Variants in CCDC69 observed in about 807,000 individuals in gnomAD.
The protein encoded by CCDC69 is coiled-coil domain containing 69, also known as coiled-coil domain-containing protein 69.
In CCDC69, 38 loss-of-function variants were observed where a neutral mutation model predicts 40.3. That is an observed-to-expected ratio of 0.94 (90% CI 0.73 to 1.24). The LOEUF (loss-of-function observed/expected upper bound fraction) is 1.24. Ranked by LOEUF, CCDC69 falls within the 50% of genes most tolerant of loss-of-function variation. CCDC69 has a pLI of 0.00. For missense variants in CCDC69, 389 were observed against 357.9 expected, an observed-to-expected ratio of 1.09 and a Z score of -0.70; for synonymous variants, 141 against 138.9, an observed-to-expected ratio of 1.02 and a Z score of -0.11.
rs183541474 is a variant in CCDC69, at chr5:151,211,853, A to G, written c.49-6378T>C. Among the ~76,000 whole-genome samples, 735 of 152,108 alleles carry G rather than the reference A, an allele frequency of 4.8e-3. 11 individuals carry two copies. Among genetic ancestry groups the G allele is most frequent in the Non-Finnish European group, 2.7e-3 (184 of 67,982 alleles). On this transcript the variant is annotated intron_variant, in intron 1 of 8. Transcript: ENST00000355417. ...TCTCCATCTTTAGCAGTCTAGCCAG[A>G]TGATCCTAGTGCACACAAAAGCCTG...
At chr5:151,193,662 T>C (rs1216594697) in intron 4 of CCDC69, among the ~76,000 whole-genome samples, 5 of 152,084 alleles carry the variant, frequency 3.3e-5, no homozygotes, top group Non-Finnish European at 7.4e-5. Flanking sequence ...GAAGAAAACA[T>C]TGAAGAAAAT....
chr5:151,185,664 G>T, intron 6 of CCDC69, 123 bp from the exon 7 acceptor site: 2 of 966,178 alleles, frequency 2.1e-6, no homozygotes, highest in Non-Finnish European at 3.2e-6. Flanking sequence ...CATGTTAAGT[G>T]TTTAATATGC....
chr5:151,217,989 A>G (rs958657515), intron 1 of CCDC69, among the ~76,000 whole-genome samples: 15 of 100,348 alleles, frequency 1.5e-4, no homozygotes, highest in Non-Finnish European at 4.4e-5. Flanking sequence ...ACACTCAGTG[A>G]AAAAAAACTC....
chr5:151,197,259 G>A (rs1752712295), intron 4 of CCDC69, among the ~76,000 whole-genome samples: 1 of 152,242 alleles, frequency 6.6e-6, no homozygotes, highest in African/African-American at 2.4e-5. Context: ...TGGGCACAAT[G>A]GCTCATGCCT....
chr5:151,218,808 T>C (rs1322781526), intron 1 of CCDC69, among the ~76,000 whole-genome samples: 1 of 152,114 alleles, frequency 6.6e-6, no homozygotes, highest in Non-Finnish European at 1.5e-5. Context: ...AGCCCTTAGG[T>C]ATCTGGGAAC....
chr5:151,193,284 C>T (rs1347361482), intron 4 of CCDC69, among the ~76,000 whole-genome samples: 1 of 148,506 alleles, frequency 6.7e-6, no homozygotes, highest in African/African-American at 2.5e-5. Context: ...GAGGGAAAGG[C>T]CAGTGGTTCA....
intron 1 of CCDC69, among the ~76,000 whole-genome samples, chr5:151,209,310 T>C (rs1752895954): frequency 6.6e-6 from 1 of 152,264 alleles, no homozygotes; most frequent in South Asian, 2.1e-4. Flanking sequence ...CGTCATCTGC[T>C]TTGGCAGACC....
At chr5:151,186,939 A>G (rs951929866) in intron 5 of CCDC69, among the ~76,000 whole-genome samples, 1 of 152,022 alleles carries the variant, frequency 6.6e-6, no homozygotes, top group Non-Finnish European at 1.5e-5. Flanking sequence ...CTTTGAACAC[A>G]TTGCTTTTTT....
chr5:151,220,448 G>C (rs1753117184), intron 1 of CCDC69, among the ~76,000 whole-genome samples: 1 of 152,182 alleles, frequency 6.6e-6, no homozygotes, highest in Non-Finnish European at 1.5e-5. Context: ...GCCCGGTGTG[G>C]TCGACCCACA....
chr5:151,202,874 C>G (rs982627024), intron 2 of CCDC69, among the ~76,000 whole-genome samples: 2 of 152,094 alleles, frequency 1.3e-5, no homozygotes, highest in Admixed American at 6.6e-5. Context: ...ATTATGGCAC[C>G]TACCACATGA....
intron 1 of CCDC69, among the ~76,000 whole-genome samples, chr5:151,222,115 G>A (rs762712517): frequency 2.0e-5 from 3 of 152,244 alleles, no homozygotes. Context: ...CAAAGAACAC[G>A]GAGCTAGGGG....
chr5:151,199,512 G>A (rs1303374646), intron 3 of CCDC69, among the ~76,000 whole-genome samples: 1 of 152,058 alleles, frequency 6.6e-6, no homozygotes, highest in African/African-American at 2.4e-5. Context: ...TCTGAGCATA[G>A]TGGCCCATAT....
At chr5:151,219,473 C>T (rs937856951) in intron 1 of CCDC69, among the ~76,000 whole-genome samples, 2 of 152,208 alleles carry the variant, frequency 1.3e-5, no homozygotes, top group South Asian at 2.1e-4. Flanking sequence ...CAAAGAACCA[C>T]GCGTCCAAAC....
At chr5:151,192,502 T>G (rs952868050) in intron 4 of CCDC69, among the ~76,000 whole-genome samples, 5 of 152,060 alleles carry the variant, frequency 3.3e-5, no homozygotes, top group Non-Finnish European at 5.9e-5. Context: ...CTGAAATTCC[T>G]TTAAATATTA....
In CCDC69 at chr5:151,205,390, G is replaced by A. The variant is rs757590695; in HGVS notation, c.124+10C>T. The A allele has an allele frequency of 4.3e-6, 7 of 1,611,068 alleles. No individual in the cohort carries two copies. The highest frequency in any genetic ancestry group is 5.1e-6 in the Non-Finnish European group (6 of 1,177,406). On this transcript the variant is annotated intron_variant, in intron 2 of 8. Coordinates refer to ENST00000355417, the MANE Select transcript of CCDC69 (RefSeq NM_015621.3). ...TGGCAGTTGGGGCCTTTGTGGGGCT[G>A]GCTACTCACCTGTGTCCCCATTGAG... is the stretch of plus-strand genomic sequence containing the variant.
At position 151,183,003 on chromosome 5, in the gene CCDC69, T is replaced by C. The variant is rs1478514073; in HGVS notation, c.*434A>G. On this transcript the variant is annotated 3_prime_UTR_variant, in exon 9 of 9. Transcript: ENST00000355417. The stretch of plus-strand genomic sequence containing the variant: ...TTTTAATGCAGGGGTAAACTGAGGC[T>C]CTGAGCAGGCCAGGGTGGAGTGGAA... The C allele has an allele frequency of 2.4e-5, 11 of 458,814 alleles. No homozygotes were observed. The highest frequency in any genetic ancestry group is 4.7e-5 in the Admixed American group (2 of 42,612). The allele number at this position is 458,814 out of a possible 1,614,324, so 28.4% of individuals were successfully genotyped here.
intron 1 of CCDC69, among the ~76,000 whole-genome samples, chr5:151,216,506 TC>T: frequency 6.9e-6 from 1 of 144,912 alleles, no homozygotes; most frequent in East Asian, 2.2e-4. Flanking sequence ...AGCCTCTGCC[TC>T]CCAGGTTCCA....
At chr5:151,206,986 C>A (rs1184813426) in intron 1 of CCDC69, among the ~76,000 whole-genome samples, 10 of 151,228 alleles carry the variant, frequency 6.6e-5, no homozygotes, top group Admixed American at 5.9e-4. Context: ...AGTGCAATTG[C>A]GTGATTCTGG....
chr5:151,194,618 G>C (rs948819371), intron 4 of CCDC69, among the ~76,000 whole-genome samples: 2 of 152,140 alleles, frequency 1.3e-5, no homozygotes, highest in African/African-American at 2.4e-5. Flanking sequence ...CATGCGGCAG[G>C]GCGCGGTGGC....
Sources: gnomAD v4.1 joint callset for allele counts (sites outside exome capture counted in the v4.1 genomes callset) on GRCh38, gnomAD v4.1.1 for gene constraint, MANE v1.5 for transcripts, NCBI Gene and HGNC (gene_info 2026-07-23, HGNC 2026-07-21) for gene names.